RANBP2: variants seen among roughly 807,000 people sequenced by gnomAD.
RANBP2 encodes the protein RAN binding protein 2.
RANBP2 carries 57 observed loss-of-function variants against 303.6 expected under a neutral mutation model. The observed-to-expected ratio is 0.19, with a 90% confidence interval of 0.15 to 0.23. The LOEUF (loss-of-function observed/expected upper bound fraction) is 0.23, where lower values mean the gene tolerates loss of function less well. Among genes scored for constraint, RANBP2 ranks in the 10% least tolerant of loss-of-function variants. The pLI is 1.00. For missense variants in RANBP2, 3,138 were observed against 3,780.8 expected (o/e 0.83, Z 4.46); for synonymous variants, 1,167 against 1,301.5 (o/e 0.90, Z 2.23).
chr2:109,153,257 T>C, the RANBP2 span, among the ~76,000 whole-genome samples: 1 of 152,306 alleles, frequency 6.6e-6, no homozygotes, highest in South Asian at 2.1e-4. Context: ...ATTACATTAA[T>C]TCTTGAAGGG....
the RANBP2 span, among the ~76,000 whole-genome samples, chr2:108,949,275 C>T: frequency 6.6e-6 from 1 of 152,204 alleles, no homozygotes; most frequent in Admixed American, 6.5e-5. Context: ...AGCCACCAAG[C>T]CTGGCTAACA....
At chr2:108,824,356 T>A in the RANBP2 span, among the ~76,000 whole-genome samples, 1 of 152,294 alleles carries the variant, frequency 6.6e-6, no homozygotes, top group East Asian at 1.9e-4. Context: ...ATTTAAAAAA[T>A]TTTTATTTTA....
the RANBP2 span, among the ~76,000 whole-genome samples, chr2:109,229,820 T>G: frequency 9.5e-3 from 1,220 of 128,212 alleles, 10 homozygotes; most frequent in Admixed American, 0.012. Flanking sequence ...TCTTTTCTTT[T>G]TCTTTCTTTT....
chr2:109,059,435 T>C, the RANBP2 span, among the ~76,000 whole-genome samples: 3 of 151,878 alleles, frequency 2.0e-5, no homozygotes, highest in South Asian at 2.1e-4. Context: ...ATTAGCCGGG[T>C]GTGGCGGTGG....
the RANBP2 span, among the ~76,000 whole-genome samples, chr2:109,170,239 TTTCTTTTCTCTTCTCTTCTC>T: frequency 0.14 from 18,491 of 133,154 alleles, 1,888 homozygotes; most frequent in Middle Eastern, 0.18. Flanking sequence ...CTTCTCTTCT[TTTCTTTTCTCTTCTCTTCTC>T]TTCTCTTCTC....
chr2:108,735,822 G>C, intron 5 of RANBP2, 60 bp downstream of exon 5: 1 of 1,597,468 alleles, frequency 6.3e-7, no homozygotes, highest in Non-Finnish European at 8.5e-7. Context: ...ACATCTTTTT[G>C]TACTAAAGCA....
the RANBP2 span, among the ~76,000 whole-genome samples, chr2:109,484,782 G>A: frequency 1.3e-5 from 2 of 152,182 alleles, no homozygotes; most frequent in Non-Finnish European, 2.9e-5. Flanking sequence ...CTGAGACCTG[G>A]TATCAACAGT....
chr2:109,496,846 C>T, the RANBP2 span, among the ~76,000 whole-genome samples: 19 of 152,162 alleles, frequency 1.2e-4, no homozygotes, highest in African/African-American at 4.3e-4. Context: ...AGAGATTACC[C>T]GGGATTATCC....
At chr2:109,501,713 G>A in the RANBP2 span, 16 of 717,616 alleles carry the variant, frequency 2.2e-5, no homozygotes, top group African/African-American at 1.0e-4. Flanking sequence ...GGGGGAGGCC[G>A]CCTGGGAAGC....
At chr2:109,625,186 T>C in the RANBP2 span, among the ~76,000 whole-genome samples, 10 of 151,958 alleles carry the variant, frequency 6.6e-5, no homozygotes, top group African/African-American at 1.7e-4. Context: ...ATCTGCATTT[T>C]AGCCCCTGGG....
the RANBP2 span, among the ~76,000 whole-genome samples, chr2:109,517,006 G>C: frequency 6.6e-6 from 1 of 152,134 alleles, no homozygotes; most frequent in Admixed American, 6.5e-5. Context: ...GGTGATCGCA[G>C]CCCTACCCAC....
At chr2:108,806,596 C>G in the RANBP2 span, among the ~76,000 whole-genome samples, 306 of 152,158 alleles carry the variant, frequency 2.0e-3, 1 homozygote, top group Non-Finnish European at 3.6e-3. Flanking sequence ...CCAGCTCTGC[C>G]ATCGTAATGC....
intron 17 of RANBP2, 52 bp from the exon 18 acceptor site, chr2:108,758,361 T>G (rs2949965): frequency 4.6e-5 from 74 of 1,608,862 alleles, no homozygotes; most frequent in African/African-American, 3.5e-4. Context: ...ACTGTTTCTG[T>G]CATGATATAA....
chr2:109,692,820 CTTTT>C, the RANBP2 span, among the ~76,000 whole-genome samples: 1 of 139,316 alleles, frequency 7.2e-6, no homozygotes. Flanking sequence ...TTCTTTCTTT[CTTTT>C]TTTTTTTTTT....
the RANBP2 span, among the ~76,000 whole-genome samples, chr2:109,365,335 G>A: frequency 1.3e-5 from 2 of 152,200 alleles, no homozygotes; most frequent in African/African-American, 4.8e-5. Context: ...TGAACCTCCA[G>A]CACACATCAG....
At chr2:109,418,975 G>C in the RANBP2 span, among the ~76,000 whole-genome samples, 6 of 152,108 alleles carry the variant, frequency 3.9e-5, no homozygotes, top group Admixed American at 3.9e-4. Context: ...CACCCCTGAT[G>C]CTGACCGTTC....
the RANBP2 span, among the ~76,000 whole-genome samples, chr2:109,305,758 G>T: frequency 6.6e-6 from 1 of 152,202 alleles, no homozygotes. Context: ...TGTTCTCTGC[G>T]GTTCCCTGAG....
the RANBP2 span, among the ~76,000 whole-genome samples, chr2:109,368,732 AAAAG>A: frequency 3.1e-3 from 473 of 151,338 alleles, 1 homozygote; most frequent in Non-Finnish European, 4.9e-3. Context: ...AAGAAAAAGA[AAAAG>A]AAAGAACGAA....
At chr2:108,938,077 A>C in the RANBP2 span, among the ~76,000 whole-genome samples, 1 of 152,252 alleles carries the variant, frequency 6.6e-6, no homozygotes, top group Non-Finnish European at 1.5e-5. Flanking sequence ...ACAAATAAGC[A>C]TGTCCAATTC....
Sources: allele counts gnomAD v4.1 joint callset (sites outside exome capture counted in the v4.1 genomes callset), GRCh38; gene constraint gnomAD v4.1.1; transcripts MANE v1.5; gene names NCBI Gene and HGNC (gene_info 2026-07-23, HGNC 2026-07-21).